Variants in AP2A2 observed in about 807,000 individuals in gnomAD.
The protein encoded by AP2A2 is adaptor related protein complex 2 subunit alpha 2.
In AP2A2, 32 loss-of-function variants were observed where a neutral mutation model predicts 104.2. The ratio of observed to expected loss-of-function variants is 0.31; its 90% CI spans 0.23 to 0.41. The LOEUF is 0.41. AP2A2 is among the 10% of genes least tolerant of loss of function. The pLI is 1.00. For missense variants in AP2A2, 912 were observed against 1,261.0 expected, an observed-to-expected ratio of 0.72 and a Z score of 4.19; for synonymous variants, 539 against 533.3, an observed-to-expected ratio of 1.01 and a Z score of -0.15.
At chr11:933,001 G>A (rs1031742923) in intron 1 of AP2A2, among the ~76,000 whole-genome samples, 1 of 152,208 alleles carries the variant, frequency 6.6e-6, no homozygotes, top group African/African-American at 2.4e-5. Context: ...CGGGCGCTGC[G>A]GTTCACGCCT....
chr11:938,497 CAG>C (rs1477774095), intron 1 of AP2A2, among the ~76,000 whole-genome samples: 2 of 146,022 alleles, frequency 1.4e-5, no homozygotes, highest in Non-Finnish European at 3.0e-5. Flanking sequence ...TTTTTTGAGA[CAG>C]AGTCTCACTC....
rs1189797548 is a variant in AP2A2, at chr11:928,228, C to T, written c.67+2140C>T. Among the ~76,000 whole-genome samples, 3 of 152,188 alleles carry T rather than the reference C, an allele frequency of 2.0e-5. No homozygotes were observed. The South Asian group carries it at 6.2e-4, about 31-fold the overall frequency. On this transcript the variant is annotated intron_variant, in intron 1 of 21. Transcript: ENST00000448903. ...CTCTGGTGATCTGAAAATAGGTGAG[C>T]ATAGTACAATAAGATATTTAAAGAG...
intron 2 of AP2A2, 96 bp from the exon 3 acceptor site, chr11:970,073 C>T (rs1167173094): frequency 6.3e-5 from 87 of 1,387,414 alleles, no homozygotes; most frequent in East Asian, 1.6e-4. Context: ...GAGGCTTGTC[C>T]GTGCTGCCTG....
intron 5 of AP2A2, among the ~76,000 whole-genome samples, chr11:979,416 C>T (rs1328313199): frequency 3.3e-5 from 5 of 151,918 alleles, no homozygotes; most frequent in Non-Finnish European, 4.4e-5. Flanking sequence ...CAATTTCTTT[C>T]TTACAGCTTT....
At chr11:933,535 A>G in intron 1 of AP2A2, 1 of 456,258 alleles carries the variant, frequency 2.2e-6, no homozygotes, top group South Asian at 1.5e-5. Context: ...GTGTGGTAAG[A>G]TGAGCTCTGT....
intron 21 of AP2A2, chr11:1,010,218 T>A (rs1437916943): frequency 2.0e-6 from 1 of 500,066 alleles, no homozygotes; most frequent in African/African-American, 1.9e-5. Context: ...GACGGACACC[T>A]GTCTCCGTTT....
intron 9 of AP2A2, 66 bp downstream of exon 9, chr11:987,019 C>T (rs1855484625): frequency 2.0e-6 from 3 of 1,514,902 alleles, no homozygotes; most frequent in East Asian, 2.5e-5. Context: ...CCTGTGAAGG[C>T]TGGGGGTACG....
In AP2A2 at chr11:993,206, C is replaced by T; in HGVS notation, c.1453-78C>T. ...GAGGGGCTGGTGCTGGTGTAGGGTGCACCGCGCCAGGACGTGCCCGCCTCG... is the reference window on the plus strand; with the variant it reads ...GAGGGGCTGGTGCTGGTGTAGGGTGTACCGCGCCAGGACGTGCCCGCCTCG... On this transcript the variant is annotated intron_variant, in intron 11 of 21. Coordinates refer to ENST00000448903, the MANE Select transcript of AP2A2 (RefSeq NM_012305.4). The surrounding 1 kb of genome is among the most constrained non-coding windows in gnomAD (Gnocchi z 8.2). The T allele has an allele frequency of 2.6e-6, 3 of 1,149,464 alleles. No homozygotes were observed. The highest frequency in any genetic ancestry group is 1.5e-5 in the South Asian group (1 of 65,470). 71.2% of individuals were successfully genotyped at this position (1,149,464 alleles called of 1,614,324 possible).
At chr11:960,939 G>C (rs1187971604) in intron 2 of AP2A2, among the ~76,000 whole-genome samples, 2 of 152,266 alleles carry the variant, frequency 1.3e-5, no homozygotes, top group Non-Finnish European at 2.9e-5. Flanking sequence ...AATTACAGGC[G>C]TGAGCCTCTG....
chr11:960,603 C>T (rs1002644272), intron 2 of AP2A2, among the ~76,000 whole-genome samples: 34 of 151,610 alleles, frequency 2.2e-4, no homozygotes, highest in Non-Finnish European at 4.1e-4. Flanking sequence ...GTCTCGAACT[C>T]CCGACCTCAA....
chr11:933,498 T>G, intron 1 of AP2A2: 1 of 455,806 alleles, frequency 2.2e-6, no homozygotes, highest in Admixed American at 2.4e-5. Flanking sequence ...AGGTGGGTGT[T>G]CCCGTGTAGA....
intron 15 of AP2A2, 28 bp from the exon 16 acceptor site, chr11:1,003,694 G>T: frequency 6.8e-7 from 1 of 1,476,266 alleles, no homozygotes. Context: ...GGCTTTGAGT[G>T]ACACATATAC....
intron 10 of AP2A2, among the ~76,000 whole-genome samples, chr11:990,626 A>AT (rs1855612219): frequency 6.6e-6 from 1 of 152,084 alleles, no homozygotes. Flanking sequence ...CTTGGCCTGC[A>AT]TGATGCTCCC....
rs1564814442 is a variant in AP2A2 at position 992,160 on chromosome 11, C to A, written c.1270-343C>A. 6.6e-6 allele frequency among the ~76,000 whole-genome samples: 1 copy of A among 152,014 alleles called. No homozygotes were observed. The highest frequency in any genetic ancestry group is 1.5e-5 in the Non-Finnish European group (1 of 68,004). ...GGCGCAGTCAGAGGTCAGAGGAGTG[C>A]TGCCACCGGGAGCCTAGGGTGATGA... On this transcript the variant is annotated intron_variant, in intron 10 of 21. Coordinates refer to ENST00000448903, the MANE Select transcript of AP2A2 (RefSeq NM_012305.4). The surrounding 1 kb of genome is among the most constrained non-coding windows in gnomAD (Gnocchi z 6.4).
rs1356732772 is a variant in AP2A2 at position 925,953 on chromosome 11, C to CCCCGCTT, written c.-62_-56dup. 8.0e-7 allele frequency: 1 copy of CCCCGCTT among 1,255,858 alleles called. No individual in the cohort carries two copies. Among genetic ancestry groups the CCCCGCTT allele is most frequent in the Non-Finnish European group, 1.0e-6 (1 of 958,878 alleles). 77.8% of individuals were successfully genotyped at this position (1,255,858 alleles called of 1,614,324 possible). On this transcript the variant is annotated 5_prime_UTR_variant, in exon 1 of 22. Coordinates refer to ENST00000448903, the MANE Select transcript of AP2A2 (RefSeq NM_012305.4). Reference sequence around the variant, plus strand: ...CCGCGGCGGTGACGGCGACCGCACTCCCCGCTTCCCGCTCCCCGCGCTCCT... The same window carrying CCCCGCTT: ...CCGCGGCGGTGACGGCGACCGCACTCCCCGCTTCCCGCTTCCCGCTCCCCGCGCTCCT...
intron 1 of AP2A2, among the ~76,000 whole-genome samples, chr11:941,145 C>T (rs543627851): frequency 6.6e-6 from 1 of 152,186 alleles, no homozygotes; most frequent in Non-Finnish European, 1.5e-5. Flanking sequence ...AGCCCATCCT[C>T]CTGACATCGG....
Position 941,173 on chromosome 11 carries a change from C to A in AP2A2, c.67+15085C>A, listed in dbSNP as rs543087827. Among the ~76,000 whole-genome samples the A allele has an allele frequency of 1.2e-4, 18 of 152,344 alleles. No individual in the cohort carries two copies. The South Asian group carries it at 3.7e-3, about 32-fold the overall frequency. On this transcript the variant is annotated intron_variant, in intron 1 of 21. Transcript: ENST00000448903. ...GACATCGGTCTCCTGAGGTTCCTTT[C>A]ATTCCCAAGCCTTTTCGGGTTCTCT...
At chr11:930,553 C>T (rs530054029) in intron 1 of AP2A2, among the ~76,000 whole-genome samples, 1 of 151,706 alleles carries the variant, frequency 6.6e-6, no homozygotes, top group African/African-American at 2.4e-5. Context: ...CGGAGTTGCG[C>T]TCTGTCGCCC....
intron 3 of AP2A2, among the ~76,000 whole-genome samples, chr11:971,398 C>G (rs111589364): frequency 1.2e-4 from 19 of 152,156 alleles, no homozygotes; most frequent in African/African-American, 4.6e-4. Flanking sequence ...TGGTGTTTGG[C>G]AGGGCGGGAG....
Sources: gnomAD v4.1 joint callset for allele counts (sites outside exome capture counted in the v4.1 genomes callset) on GRCh38, gnomAD v4.1.1 for gene constraint, Gnocchi (gnomAD v3.1) non-coding constraint, MANE v1.5 for transcripts, NCBI Gene and HGNC (gene_info 2026-07-23, HGNC 2026-07-21) for gene names.